Variants in IL19 observed in about 807,000 individuals in gnomAD.
IL19 encodes interleukin-19.
IL19 carries 15 observed loss-of-function variants against 19.5 expected under a neutral mutation model. The observed-to-expected ratio is 0.77, with a 90% CI of 0.52 to 1.19. The LOEUF is 1.19. IL19 is among the 50% of genes most tolerant of loss of function. The pLI, the probability that IL19 is intolerant of heterozygous loss-of-function variation, is 0.00. For synonymous variants in IL19, 78 were observed against 78.3 expected (o/e 1.00, Z 0.02); for missense variants, 199 against 213.1 (o/e 0.93, Z 0.41).
At chr1:206,796,733 A>C (rs2102457943) in intron 1 of IL19, among the ~76,000 whole-genome samples, 1 of 152,252 alleles carries the variant, frequency 6.6e-6, no homozygotes, top group African/African-American at 2.4e-5. Context: ...GTGTAAATAC[A>C]CTCTATGATG....
chr1:206,828,396 G>A (rs1313201358), intron 2 of IL19, among the ~76,000 whole-genome samples: 1 of 152,198 alleles, frequency 6.6e-6, no homozygotes, highest in Non-Finnish European at 1.5e-5. Flanking sequence ...CTAAAGGACA[G>A]GGGTTCCTCC....
chr1:206,835,202 A>C (rs1031913008), intron 2 of IL19, among the ~76,000 whole-genome samples: 6 of 152,214 alleles, frequency 3.9e-5, no homozygotes, highest in Admixed American at 6.5e-5. Context: ...CCTTGTCAGA[A>C]GAAAAACTGC....
chr1:206,798,733 A>C (rs1675594790), intron 1 of IL19, 128 bp from the exon 2 acceptor site: 2 of 574,162 alleles, frequency 3.5e-6, no homozygotes, highest in Non-Finnish European at 3.1e-6. Context: ...GATTCGGTTC[A>C]GAGTAGCTGG....
chr1:206,817,571 C>T (rs1417835021), intron 2 of IL19, among the ~76,000 whole-genome samples: 2 of 152,208 alleles, frequency 1.3e-5, no homozygotes, highest in South Asian at 2.1e-4. Context: ...ATATCTCTAT[C>T]ACACATATTT....
At chr1:206,823,829 A>G (rs529328986) in intron 2 of IL19, among the ~76,000 whole-genome samples, 28 of 152,202 alleles carry the variant, frequency 1.8e-4, no homozygotes, top group Non-Finnish European at 2.6e-4. Context: ...TGTGATGGGA[A>G]GGCTTCTCAG....
intron 1 of IL19, among the ~76,000 whole-genome samples, chr1:206,787,755 G>A (rs1675300185): frequency 6.6e-6 from 1 of 152,202 alleles, no homozygotes; most frequent in South Asian, 2.1e-4. Context: ...GAGCCCCTCT[G>A]TGGTCTTGTC....
intron 2 of IL19, 142 bp downstream of exon 2, chr1:206,799,148 C>T (rs2102459620): frequency 1.5e-6 from 1 of 675,416 alleles, no homozygotes; most frequent in Non-Finnish European, 2.6e-6. Context: ...TCATAAAGTT[C>T]CTTATTGCCA....
At chr1:206,790,958 C>A (rs533012438) in intron 1 of IL19, among the ~76,000 whole-genome samples, 26 of 152,256 alleles carry the variant, frequency 1.7e-4, no homozygotes, top group East Asian at 1.3e-3. Flanking sequence ...TGATATCTTT[C>A]TTCATTCTTT....
At chr1:206,840,731 A>C in intron 5 of IL19, 1 of 436,064 alleles carries the variant, frequency 2.3e-6, no homozygotes, top group Non-Finnish European at 4.2e-6. Flanking sequence ...GGGATGCAGC[A>C]CTCAGAGTGG....
At chr1:206,797,693 A>C (rs1409413493) in intron 1 of IL19, among the ~76,000 whole-genome samples, 2 of 152,212 alleles carry the variant, frequency 1.3e-5, no homozygotes, top group Non-Finnish European at 2.9e-5. Context: ...CACAAACCCT[A>C]GAGGTTCCGT....
chr1:206,785,411 C>G (rs561244429), intron 1 of IL19, among the ~76,000 whole-genome samples: 74 of 152,286 alleles, frequency 4.9e-4, no homozygotes, highest in African/African-American at 1.5e-3. Context: ...GTCAGGAGGT[C>G]AAATACAGTG....
intron 2 of IL19, among the ~76,000 whole-genome samples, chr1:206,800,096 A>G (rs1220067373): frequency 6.6e-6 from 1 of 152,216 alleles, no homozygotes; most frequent in Non-Finnish European, 1.5e-5. Context: ...CAAGTGTTTC[A>G]TTTCACTGAA....
chr1:206,780,518 G>T (rs1324897679), intron 1 of IL19, among the ~76,000 whole-genome samples: 1 of 152,162 alleles, frequency 6.6e-6, no homozygotes, highest in Admixed American at 6.5e-5. Flanking sequence ...AGCTTTTCCA[G>T]TTTTTAAAAG....
intron 1 of IL19, among the ~76,000 whole-genome samples, chr1:206,789,001 A>G (rs1298891266): frequency 6.6e-6 from 1 of 152,198 alleles, no homozygotes; most frequent in Non-Finnish European, 1.5e-5. Context: ...ATCAAGATAT[A>G]AAAGATGGAC....
intron 2 of IL19, among the ~76,000 whole-genome samples, chr1:206,813,806 A>G (rs1018457983): frequency 3.3e-5 from 5 of 152,196 alleles, no homozygotes; most frequent in African/African-American, 1.2e-4. Flanking sequence ...GCAGAGCTAC[A>G]CTAAATTGAC....
intron 2 of IL19, among the ~76,000 whole-genome samples, chr1:206,819,431 A>C (rs371697976): frequency 6.6e-6 from 1 of 152,010 alleles, no homozygotes; most frequent in Non-Finnish European, 1.5e-5. Flanking sequence ...TAAAAATACA[A>C]AAATTAGCCG....
intron 1 of IL19, among the ~76,000 whole-genome samples, chr1:206,786,252 C>T (rs1474853552): frequency 6.6e-6 from 1 of 152,192 alleles, no homozygotes; most frequent in Non-Finnish European, 1.5e-5. Context: ...ATGACTTTTA[C>T]CTGACAAGCC....
intron 2 of IL19, among the ~76,000 whole-genome samples, chr1:206,822,208 G>T (rs578041902): frequency 6.6e-6 from 1 of 152,324 alleles, no homozygotes; most frequent in African/African-American, 2.4e-5. Context: ...TTGCATGAAG[G>T]GGGAAATGGA....
At chr1:206,838,982 G>A (rs904854462) in intron 4 of IL19, among the ~76,000 whole-genome samples, 1 of 152,168 alleles carries the variant, frequency 6.6e-6, no homozygotes, top group African/African-American at 2.4e-5. Context: ...CTGACACTGG[G>A]GCCAAGGAGG....
Sources: allele counts gnomAD v4.1 joint callset (sites outside exome capture counted in the v4.1 genomes callset), GRCh38; gene constraint gnomAD v4.1.1; transcripts MANE v1.5; gene names NCBI Gene and HGNC (gene_info 2026-07-23, HGNC 2026-07-21).